Variants in TCF4 observed in about 807,000 individuals in gnomAD.
TCF4 encodes transcription factor 4, also known as SL3-3 enhancer factor 2.
A neutral mutation model predicts 82.1 loss-of-function variants in TCF4; 3 were observed. That is an observed-to-expected ratio of 0.04 (90% CI 0.02 to 0.09). The LOEUF is 0.09. Ranked by LOEUF, TCF4 falls within the 10% of genes least tolerant of loss-of-function variation. The pLI, the probability that TCF4 is intolerant of heterozygous loss-of-function variation, is 1.00. For missense variants in TCF4, 518 were observed against 852.7 expected (o/e 0.61, Z 4.89); for synonymous variants, 276 against 309.6 (o/e 0.89, Z 1.14).
chr18:55,304,430 A>G (rs1048951809), intron 8 of TCF4, among the ~76,000 whole-genome samples: 2 of 152,252 alleles, frequency 1.3e-5, no homozygotes, highest in African/African-American at 2.4e-5. Context: ...AGAATTATAA[A>G]TACAGTTTTG....
chr18:55,409,792 G>A (rs575346716), intron 5 of TCF4, among the ~76,000 whole-genome samples: 7 of 152,084 alleles, frequency 4.6e-5, no homozygotes, highest in African/African-American at 1.7e-4. Flanking sequence ...GTAATCTGTG[G>A]CCATGCAGGT....
chr18:55,250,907 G>T (rs1399905369), intron 15 of TCF4, among the ~76,000 whole-genome samples: 1 of 152,080 alleles, frequency 6.6e-6, no homozygotes, highest in African/African-American at 2.4e-5. Context: ...TAAGAATAGA[G>T]AAAAAAATGG....
At chr18:55,358,658 C>T (rs1240880510) in intron 6 of TCF4, among the ~76,000 whole-genome samples, 4 of 152,230 alleles carry the variant, frequency 2.6e-5, no homozygotes, top group African/African-American at 9.6e-5. Flanking sequence ...CACTCACCCG[C>T]TATCTTCTGT....
Position 55,224,152 on chromosome 18 carries a change from G to T in TCF4, c.*3883C>A. The T allele has an allele frequency of 6.9e-6, 1 of 145,424 alleles. No individual in the cohort carries two copies. 9.0% of individuals were successfully genotyped at this position (145,424 alleles called of 1,614,324 possible). A position where few individuals can be genotyped will look rare whatever the true frequency, so the allele number is the denominator to read the frequency against. The stretch of plus-strand genomic sequence containing the variant: ...AACAAAAAGCCAGGCACTGATACAT[G>T]GTAAATCTCTGCTTTTTTTTTTTTT... On this transcript the variant is annotated 3_prime_UTR_variant, in exon 20 of 20. Transcript: ENST00000354452.
At chr18:55,476,547 C>G (rs1451135476) in intron 3 of TCF4, among the ~76,000 whole-genome samples, 1 of 151,860 alleles carries the variant, frequency 6.6e-6, no homozygotes, top group Non-Finnish European at 1.5e-5. Context: ...GCGATCAGGG[C>G]TCGCTGCAAC....
At chr18:55,244,564 A>G (rs1380488349) in intron 15 of TCF4, among the ~76,000 whole-genome samples, 1 of 152,188 alleles carries the variant, frequency 6.6e-6, no homozygotes, top group Non-Finnish European at 1.5e-5. Context: ...TAAATAAAGG[A>G]GCAAACTTCA....
At chr18:55,536,033 C>G (rs1283453417) in intron 3 of TCF4, among the ~76,000 whole-genome samples, 5 of 152,162 alleles carry the variant, frequency 3.3e-5, no homozygotes, top group Non-Finnish European at 7.4e-5. Flanking sequence ...AACTGTACTT[C>G]ATACTCTTCA....
intron 3 of TCF4, among the ~76,000 whole-genome samples, chr18:55,476,462 T>G (rs2096290585): frequency 6.6e-6 from 1 of 151,424 alleles, no homozygotes; most frequent in Non-Finnish European, 1.5e-5. Flanking sequence ...TGTTTTTTTG[T>G]TTTTTGTTTT....
At chr18:55,442,152 T>C (rs2095448944) in intron 5 of TCF4, among the ~76,000 whole-genome samples, 1 of 152,102 alleles carries the variant, frequency 6.6e-6, no homozygotes, top group African/African-American at 2.4e-5. Flanking sequence ...GCACTTACAA[T>C]GAAGATTAAA....
intron 16 of TCF4, among the ~76,000 whole-genome samples, chr18:55,233,816 CAAA>C (rs34564671): frequency 1.4e-4 from 9 of 62,976 alleles, no homozygotes; most frequent in East Asian, 5.0e-4. Flanking sequence ...GAGGCTCTGT[CAAA>C]AAAAAAAAAA....
At chr18:55,308,036 C>G (rs1262701697) in intron 8 of TCF4, among the ~76,000 whole-genome samples, 1 of 152,314 alleles carries the variant, frequency 6.6e-6, no homozygotes, top group East Asian at 1.9e-4. Context: ...TATGAATGAA[C>G]ATGGTCTTCA....
chr18:55,380,227 G>A (rs2091650336), intron 6 of TCF4, among the ~76,000 whole-genome samples: 1 of 151,870 alleles, frequency 6.6e-6, no homozygotes, highest in African/African-American at 2.4e-5. Context: ...ATCCTCACAT[G>A]GAGAAGAGAG....
intron 1 of TCF4, among the ~76,000 whole-genome samples, chr18:55,634,154 A>T (rs1435858100): frequency 6.6e-6 from 1 of 152,142 alleles, no homozygotes; most frequent in African/African-American, 2.4e-5. Context: ...CTGTAATCCC[A>T]GCTACATGGG....
At chr18:55,251,516 A>G (rs1239148047) in intron 15 of TCF4, among the ~76,000 whole-genome samples, 2 of 152,328 alleles carry the variant, frequency 1.3e-5, no homozygotes, top group South Asian at 2.1e-4. Context: ...AGAAATGCTT[A>G]TATCACCTTC....
intron 5 of TCF4, among the ~76,000 whole-genome samples, chr18:55,448,539 A>T (rs1370475909): frequency 1.3e-5 from 2 of 152,208 alleles, no homozygotes; most frequent in African/African-American, 4.8e-5. Context: ...GTTAATGTAG[A>T]CCCACTGCCT....
intron 6 of TCF4, among the ~76,000 whole-genome samples, chr18:55,352,844 A>G (rs886900565): frequency 3.3e-5 from 5 of 152,196 alleles, no homozygotes; most frequent in African/African-American, 1.2e-4. Flanking sequence ...GTTACAGTGA[A>G]GTCTGTGTCC....
chr18:55,394,930 G>A (rs551557828), intron 6 of TCF4, among the ~76,000 whole-genome samples: 55 of 152,286 alleles, frequency 3.6e-4, no homozygotes, highest in Admixed American at 1.1e-3. Flanking sequence ...CAGACTCAAC[G>A]ATATATGCTT....
At chr18:55,422,004 C>A (rs2094778361) in intron 5 of TCF4, 1 of 209,594 alleles carries the variant, frequency 4.8e-6, no homozygotes, top group Non-Finnish European at 8.1e-6. Flanking sequence ...ATTTGAAGAA[C>A]AACACTAAAC....
chr18:55,475,375 G>A (rs2096268993), intron 3 of TCF4, among the ~76,000 whole-genome samples: 1 of 152,112 alleles, frequency 6.6e-6, no homozygotes, highest in Non-Finnish European at 1.5e-5. Context: ...GTCCTTCCCA[G>A]GACATCACTT....
Sources: gnomAD v4.1 joint callset for allele counts (sites outside exome capture counted in the v4.1 genomes callset) on GRCh38, gnomAD v4.1.1 for gene constraint, MANE v1.5 for transcripts, NCBI Gene and HGNC (gene_info 2026-07-23, HGNC 2026-07-21) for gene names.